The following PARD3B variants were observed in gnomAD, a reference collection of about 807,000 sequenced individuals.
PARD3B encodes par-3 family cell polarity regulator beta, also known as partitioning defective 3 homolog B.
A neutral mutation model predicts 130.2 loss-of-function variants in PARD3B; 103 were observed. That is an observed-to-expected ratio of 0.79 (90% CI 0.67 to 0.93). PARD3B has a LOEUF of 0.93. PARD3B is among the 40% of genes least tolerant of loss of function. The pLI, the probability that PARD3B is intolerant of heterozygous loss-of-function variation, is 0.00. For synonymous variants in PARD3B, 583 were observed against 553.2 expected (o/e 1.05, Z -0.76); for missense variants, 1,609 against 1,499.2 (o/e 1.07, Z -1.21).
At chr2:204,778,859 C>A (rs1333860805) in intron 2 of PARD3B, among the ~76,000 whole-genome samples, 5 of 152,084 alleles carry the variant, frequency 3.3e-5, no homozygotes, top group African/African-American at 4.8e-5. Flanking sequence ...ATGCGTACGT[C>A]CGATCATGTT....
At chr2:204,707,446 G>A (rs1364667790) in intron 2 of PARD3B, among the ~76,000 whole-genome samples, 1 of 152,088 alleles carries the variant, frequency 6.6e-6, no homozygotes, top group Non-Finnish European at 1.5e-5. Flanking sequence ...TTCTACATAA[G>A]TTGACATAGT....
chr2:205,395,803 T>C (rs1282434639), intron 18 of PARD3B, among the ~76,000 whole-genome samples: 1 of 152,206 alleles, frequency 6.6e-6, no homozygotes, highest in Non-Finnish European at 1.5e-5. Context: ...GGATGGTCTT[T>C]TTAAAATATT....
At position 205,440,858 on chromosome 2, in the gene PARD3B, A is replaced by G. The variant is rs1429232390; in HGVS notation, c.3044+186A>G. ...ACCATCAAAAATAAAACAATAGCCAATTGTAAGGTGGCATGAATGAATAGT... is the reference window on the plus strand; with the variant it reads ...ACCATCAAAAATAAAACAATAGCCAGTTGTAAGGTGGCATGAATGAATAGT... On this transcript the variant is annotated intron_variant, in intron 20 of 22. Transcript: ENST00000406610. The surrounding 1 kb of genome is among the most constrained non-coding windows in gnomAD (Gnocchi z 4.2). 6.6e-6 allele frequency among the ~76,000 whole-genome samples: 1 copy of G among 152,206 alleles called. No homozygotes were observed. The highest frequency in any genetic ancestry group is 1.9e-4 in the East Asian group (1 of 5,190).
intron 1 of PARD3B, among the ~76,000 whole-genome samples, chr2:204,666,903 A>G (rs1165055364): frequency 1.3e-5 from 2 of 152,170 alleles, no homozygotes; most frequent in Non-Finnish European, 2.9e-5. Flanking sequence ...AGAGATATGG[A>G]AAAGTAGAGT....
intron 10 of PARD3B, among the ~76,000 whole-genome samples, chr2:205,127,274 G>GCAA (rs1158876762): frequency 7.5e-6 from 1 of 132,698 alleles, no homozygotes; most frequent in Non-Finnish European, 1.5e-5. Context: ...TCCAGCCTGG[G>GCAA]CAACAGAACG....
chr2:204,945,371 T>C (rs1185240778), intron 2 of PARD3B, among the ~76,000 whole-genome samples: 1 of 152,196 alleles, frequency 6.6e-6, no homozygotes, highest in East Asian at 1.9e-4. Flanking sequence ...AGATCCTTGC[T>C]GGGCCCTTCA....
At chr2:204,959,491 C>T (rs905751215) in intron 2 of PARD3B, among the ~76,000 whole-genome samples, 1 of 152,036 alleles carries the variant, frequency 6.6e-6, no homozygotes, top group Non-Finnish European at 1.5e-5. Flanking sequence ...TGGGTATGTA[C>T]CCAGTAATGG....
chr2:204,620,522 T>A (rs1170339196), intron 1 of PARD3B, among the ~76,000 whole-genome samples: 1 of 152,192 alleles, frequency 6.6e-6, no homozygotes, highest in East Asian at 1.9e-4. Context: ...TGCTGTCATG[T>A]CCTGGGAGGA....
At chr2:204,633,708 A>G (rs1195528168) in intron 1 of PARD3B, among the ~76,000 whole-genome samples, 1 of 152,170 alleles carries the variant, frequency 6.6e-6, no homozygotes, top group Admixed American at 6.5e-5. Flanking sequence ...GCTACTTGGG[A>G]GTCTGAGGCA....
At chr2:205,422,271 C>T (rs767021828) in intron 19 of PARD3B, among the ~76,000 whole-genome samples, 11 of 152,212 alleles carry the variant, frequency 7.2e-5, no homozygotes, top group South Asian at 4.1e-4. Context: ...TAAGGGAGAG[C>T]GTGGCATAAG....
chr2:205,412,462 T>C (rs2046632579), intron 19 of PARD3B, among the ~76,000 whole-genome samples: 1 of 152,232 alleles, frequency 6.6e-6, no homozygotes, highest in Non-Finnish European at 1.5e-5. Context: ...TCTGAAGTTA[T>C]GATTTCTTGA....
chr2:205,045,084 T>C (rs1042504940), intron 3 of PARD3B, among the ~76,000 whole-genome samples: 1 of 151,170 alleles, frequency 6.6e-6, no homozygotes, highest in Non-Finnish European at 1.5e-5. Flanking sequence ...ATTCCTGATA[T>C]GTTTAAGAAA....
At chr2:205,057,915 A>G (rs919143062) in intron 4 of PARD3B, among the ~76,000 whole-genome samples, 1 of 151,616 alleles carries the variant, frequency 6.6e-6, no homozygotes, top group Non-Finnish European at 1.5e-5. Flanking sequence ...AAATTGTGGT[A>G]AAATATATAT....
chr2:205,358,672 A>G (rs2044282825), intron 18 of PARD3B, among the ~76,000 whole-genome samples: 1 of 152,056 alleles, frequency 6.6e-6, no homozygotes, highest in African/African-American at 2.4e-5. Flanking sequence ...CCTTCCTGAC[A>G]CTATTCTTAC....
intron 2 of PARD3B, among the ~76,000 whole-genome samples, chr2:204,875,508 G>A (rs1049982411): frequency 2.6e-5 from 4 of 152,118 alleles, no homozygotes; most frequent in African/African-American, 9.7e-5. Context: ...TGGGTCTGGG[G>A]TGGGTCTGAG....
At chr2:205,483,605 T>C (rs956486670) in intron 20 of PARD3B, among the ~76,000 whole-genome samples, 1 of 152,110 alleles carries the variant, frequency 6.6e-6, no homozygotes, top group Non-Finnish European at 1.5e-5. Context: ...CCCTCTCTCC[T>C]TTTTCTCCCT....
intron 20 of PARD3B, among the ~76,000 whole-genome samples, chr2:205,468,551 T>C (rs1447598402): frequency 6.6e-6 from 1 of 152,228 alleles, no homozygotes; most frequent in Non-Finnish European, 1.5e-5. Context: ...GAGAATGTTA[T>C]CCACCTCATT....
In PARD3B at chr2:204,949,624, T is replaced by G. The variant is rs73054907; in HGVS notation, c.223-15528T>G. ...AGCATAAGCCACAGTACTCAGCCTT[T>G]GTTTTCCTTTTAATTTTTCATGTGA... is the stretch of plus-strand genomic sequence containing the variant. On this transcript the variant is annotated intron_variant, in intron 2 of 22. Transcript: ENST00000406610. Among the ~76,000 whole-genome samples the G allele has an allele frequency of 7.6e-3, 1,152 of 152,280 alleles. 13 individuals carry two copies. Among genetic ancestry groups the G allele is most frequent in the African/African-American group, 0.026 (1,083 of 41,536 alleles).
chr2:204,690,947 C>G (rs1343255850), intron 2 of PARD3B, among the ~76,000 whole-genome samples: 2 of 152,104 alleles, frequency 1.3e-5, no homozygotes, highest in African/African-American at 2.4e-5. Context: ...ATTGGGTGAG[C>G]CTTCACTCTT....
Sources: allele counts gnomAD v4.1 joint callset (sites outside exome capture counted in the v4.1 genomes callset), GRCh38; gene constraint gnomAD v4.1.1; non-coding constraint Gnocchi (gnomAD v3.1); transcripts MANE v1.5; gene names NCBI Gene and HGNC (gene_info 2026-07-23, HGNC 2026-07-21).